GRM8: variants seen among roughly 807,000 people sequenced by gnomAD.
The protein encoded by GRM8 is glutamate metabotropic receptor 8, also known as metabotropic glutamate receptor 8.
Under a neutral mutation model 87.2 loss-of-function variants are expected in GRM8, and 47 were observed. The ratio of observed to expected loss-of-function variants is 0.54; its 90% CI spans 0.43 to 0.69. GRM8 has a LOEUF of 0.69. GRM8 is among the 30% of genes least tolerant of loss of function. The probability of loss-of-function intolerance (pLI) is 0.00; values close to 1 mark genes in which losing one functional copy is unlikely to be tolerated. For synonymous variants in GRM8, 396 were observed against 404.5 expected (o/e 0.98, Z 0.25); for missense variants, 1,019 against 1,139.2 (o/e 0.89, Z 1.52).
At chr7:126,898,384 T>G (rs1801744587) in intron 6 of GRM8, among the ~76,000 whole-genome samples, 1 of 152,208 alleles carries the variant, frequency 6.6e-6, no homozygotes. Context: ...TCTCTTATCA[T>G]CTGAAAACTG....
intron 3 of GRM8, among the ~76,000 whole-genome samples, chr7:126,947,355 T>C (rs1204559): frequency 0.76 from 115,858 of 152,034 alleles, 44,433 homozygotes; most frequent in East Asian, 0.97. Flanking sequence ...GTATATATTA[T>C]CAGTCAATAT....
intron 2 of GRM8, among the ~76,000 whole-genome samples, chr7:127,201,721 G>C (rs1795617940): frequency 6.6e-6 from 1 of 152,186 alleles, no homozygotes; most frequent in Admixed American, 6.5e-5. Context: ...CTCAACTAGA[G>C]TAACCCTCTA....
At chr7:126,825,242 A>AT (rs369933871) in intron 6 of GRM8, among the ~76,000 whole-genome samples, 1 of 152,018 alleles carries the variant, frequency 6.6e-6, no homozygotes, top group East Asian at 1.9e-4. Flanking sequence ...AATTTGTTGT[A>AT]TTTTTAGTAG....
At chr7:126,540,975 CAAGTGGTTTT>C (rs1412284921) in intron 8 of GRM8, among the ~76,000 whole-genome samples, 1 of 152,186 alleles carries the variant, frequency 6.6e-6, no homozygotes, top group Non-Finnish European at 1.5e-5. Flanking sequence ...TAGATATTTT[CAAGTGGTTTT>C]AAGACTCAGT....
intron 8 of GRM8, among the ~76,000 whole-genome samples, chr7:126,607,110 C>T (rs17683777): frequency 0.31 from 46,971 of 151,982 alleles, 8,132 homozygotes; most frequent in East Asian, 0.44. Context: ...CCTATAGGTC[C>T]TCTTTCAAAA....
intron 7 of GRM8, among the ~76,000 whole-genome samples, chr7:126,713,602 T>C (rs1485200542): frequency 7.3e-6 from 1 of 137,876 alleles, no homozygotes. Context: ...ATCCAAGAAC[T>C]TAAAGTAAAA....
intron 7 of GRM8, among the ~76,000 whole-genome samples, chr7:126,659,385 A>T (rs947422368): frequency 3.9e-5 from 6 of 152,202 alleles, no homozygotes; most frequent in African/African-American, 1.4e-4. Context: ...GATGCTCTGG[A>T]GTGGCTTTAG....
intron 7 of GRM8, among the ~76,000 whole-genome samples, chr7:126,724,363 C>G (rs117339183): frequency 7.9e-5 from 12 of 152,194 alleles, no homozygotes; most frequent in Non-Finnish European, 1.5e-4. Context: ...TTATTATCTT[C>G]CCTCAATTGA....
intron 3 of GRM8, among the ~76,000 whole-genome samples, chr7:127,102,473 G>A (rs1340877513): frequency 2.6e-5 from 4 of 152,168 alleles, no homozygotes; most frequent in Non-Finnish European, 5.9e-5. Flanking sequence ...CATGGGCCAG[G>A]TCCAGGGCCC....
At chr7:127,082,386 C>T (rs17862287) in intron 3 of GRM8, among the ~76,000 whole-genome samples, 15,292 of 151,900 alleles carry the variant, frequency 0.1, 1,051 homozygotes, top group Middle Eastern at 0.18. Context: ...AACCTGAGTC[C>T]CTGGTGCTAG....
intron 6 of GRM8, among the ~76,000 whole-genome samples, chr7:126,856,805 A>T (rs575416724): frequency 1.8e-4 from 27 of 152,208 alleles, no homozygotes; most frequent in Non-Finnish European, 3.2e-4. Flanking sequence ...TGTTATGGGG[A>T]ATACCCATCA....
At chr7:126,980,207 G>A (rs759703536) in intron 3 of GRM8, among the ~76,000 whole-genome samples, 1 of 152,166 alleles carries the variant, frequency 6.6e-6, no homozygotes, top group Admixed American at 6.5e-5. Flanking sequence ...TCAATCCCTT[G>A]TCTAACTACT....
chr7:126,613,500 C>T (rs1360724038), intron 7 of GRM8, among the ~76,000 whole-genome samples: 1 of 152,178 alleles, frequency 6.6e-6, no homozygotes, highest in East Asian at 1.9e-4. Flanking sequence ...GTACCAGGTT[C>T]ATCTCACTGG....
chr7:127,071,357 C>T (rs1821665844), intron 3 of GRM8, among the ~76,000 whole-genome samples: 1 of 152,070 alleles, frequency 6.6e-6, no homozygotes, highest in Non-Finnish European at 1.5e-5. Context: ...CAGCAGGATC[C>T]CTTAATGAAC....
intron 3 of GRM8, among the ~76,000 whole-genome samples, chr7:127,070,359 T>C (rs1382884279): frequency 6.6e-6 from 1 of 152,128 alleles, no homozygotes; most frequent in African/African-American, 2.4e-5. Flanking sequence ...GAACAGTGAG[T>C]ACTACCCTTT....
intron 6 of GRM8, among the ~76,000 whole-genome samples, chr7:126,776,837 C>A (rs2151627825): frequency 6.6e-6 from 1 of 152,266 alleles, no homozygotes; most frequent in African/African-American, 2.4e-5. Context: ...GCCCCTCCAG[C>A]TCTGAAATTC....
chr7:127,032,296 C>T (rs527467987), intron 3 of GRM8, among the ~76,000 whole-genome samples: 3 of 152,130 alleles, frequency 2.0e-5, no homozygotes, highest in Non-Finnish European at 2.9e-5. Context: ...TCTACTTTAG[C>T]GTTTCCTGTA....
intron 8 of GRM8, among the ~76,000 whole-genome samples, chr7:126,542,612 A>G (rs1309285176): frequency 5.3e-5 from 8 of 152,220 alleles, no homozygotes; most frequent in Non-Finnish European, 1.2e-4. Context: ...ACTGTAAGCA[A>G]TATGGCATGA....
chr7:127,229,351 G>A (rs1027637315), intron 2 of GRM8: 3 of 152,120 alleles, frequency 2.0e-5, no homozygotes, highest in Non-Finnish European at 4.4e-5. Flanking sequence ...TGTTAGAGAC[G>A]AAAGCTGTGG....
Sources: gnomAD v4.1 joint callset for allele counts (sites outside exome capture counted in the v4.1 genomes callset) on GRCh38, gnomAD v4.1.1 for gene constraint, MANE v1.5 for transcripts, NCBI Gene and HGNC (gene_info 2026-07-23, HGNC 2026-07-21) for gene names.